The following GPM6B variants were observed in gnomAD, a reference collection of about 807,000 sequenced individuals.
GPM6B encodes the protein neuronal membrane glycoprotein M6-b.
A neutral mutation model predicts 27.2 loss-of-function variants in GPM6B; 4 were observed. That is an observed-to-expected ratio of 0.15 (90% confidence interval 0.07 to 0.34). The LOEUF (loss-of-function observed/expected upper bound fraction) is 0.34. Ranked by LOEUF, GPM6B falls within the 10% of genes least tolerant of loss-of-function variation. The pLI is 1.00. For missense variants in GPM6B, 183 were observed against 261.9 expected, an observed-to-expected ratio of 0.70 and a Z score of 2.08; for synonymous variants, 124 against 103.1, an observed-to-expected ratio of 1.20 and a Z score of -1.23.
chrX:13,811,958 C>T (rs745324792), intron 1 of GPM6B, among the ~76,000 whole-genome samples: 1 of 109,972 alleles, frequency 9.1e-6, no homozygotes, highest in African/African-American at 3.3e-5. Flanking sequence ...ATGGTCCCTA[C>T]GATGACTTAG....
At chrX:13,812,368 C>T (rs1449019980) in intron 1 of GPM6B, among the ~76,000 whole-genome samples, 1 of 111,600 alleles carries the variant, frequency 9.0e-6, no homozygotes. Context: ...CACCATTAAA[C>T]GAATAAATGA....
chrX:13,910,641 G>A (rs1405005518), intron 1 of GPM6B, among the ~76,000 whole-genome samples: 1 of 113,094 alleles, frequency 8.8e-6, no homozygotes, highest in Admixed American at 9.3e-5. Flanking sequence ...ACAGTGAAGG[G>A]AGAGTCTGCT....
chrX:13,880,675 CA>C lies in GPM6B; in HGVS notation c.-198+57651del, dbSNP rs57849359. 2.3e-3 allele frequency among the ~76,000 whole-genome samples: 107 copies of C among 46,590 alleles called. 1 individual carries two copies. Among genetic ancestry groups the C allele is most frequent in the Middle Eastern group, 0.011 (1 of 95 alleles). 40.5% of individuals were successfully genotyped at this position (46,590 alleles called of 115,157 possible). ...TGGGAGACAGAGCAAGGCTCCATCTCAAAAAAAAAAAAAAAAGGCAAATCAG... is the reference window on the plus strand; with the variant it reads ...TGGGAGACAGAGCAAGGCTCCATCTCAAAAAAAAAAAAAAAGGCAAATCAG... On this transcript the variant is annotated intron_variant, in intron 1 of 6. Transcript: ENST00000398361.
At chrX:13,822,427 G>A (rs775822237) in intron 1 of GPM6B, among the ~76,000 whole-genome samples, 38 of 110,036 alleles carry the variant, frequency 3.5e-4, no homozygotes, top group African/African-American at 1.2e-3. Context: ...GTACAGTGGT[G>A]CAATCTCGGC....
At chrX:13,922,806 G>A (rs1234110525) in intron 1 of GPM6B, among the ~76,000 whole-genome samples, 1 of 112,309 alleles carries the variant, frequency 8.9e-6, no homozygotes, top group Non-Finnish European at 1.9e-5. Flanking sequence ...CCACCCCCAA[G>A]ACAGAAACAT....
intron 1 of GPM6B, among the ~76,000 whole-genome samples, chrX:13,822,517 C>T (rs1184049981): frequency 9.1e-6 from 1 of 110,278 alleles, no homozygotes; most frequent in Non-Finnish European, 1.9e-5. Context: ...AGGCGTGGGG[C>T]CACCACGCCC....
chrX:13,807,793 G>A (rs371735228), intron 1 of GPM6B, 24 bp from the exon 2 acceptor site: 192 of 1,174,659 alleles, frequency 1.6e-4, no homozygotes, highest in Non-Finnish European at 2.1e-4. Context: ...GTGGCAAAGA[G>A]TCAGTGTCTC....
At chrX:13,861,341 G>A (rs765136843) in intron 1 of GPM6B, among the ~76,000 whole-genome samples, 42 of 110,580 alleles carry the variant, frequency 3.8e-4, no homozygotes, top group African/African-American at 1.3e-3. Flanking sequence ...TGGAATTGCT[G>A]GATCAAATGG....
At chrX:13,820,477 G>A (rs895544338), upstream of GPM6B, among the ~76,000 whole-genome samples, 1 of 110,960 alleles carries the variant, frequency 9.0e-6, no homozygotes, top group Admixed American at 9.5e-5. Context: ...GGGACTAAGA[G>A]GCATTCAGGA....
chrX:13,867,048 G>C (rs1208534405), intron 1 of GPM6B, among the ~76,000 whole-genome samples: 1 of 111,668 alleles, frequency 9.0e-6, no homozygotes, highest in African/African-American at 3.3e-5. Context: ...GCTTTCACTT[G>C]GTACGGTTAG....
chrX:13,782,670 C>T (rs958355204), intron 4 of GPM6B, among the ~76,000 whole-genome samples: 2 of 105,686 alleles, frequency 1.9e-5, no homozygotes, highest in South Asian at 4.3e-4. Context: ...GCAGGAGAAT[C>T]GCTTGAACCC....
At chrX:13,880,680 A>AAAAAAAG (rs1446127530) in intron 1 of GPM6B, among the ~76,000 whole-genome samples, 1 of 105,567 alleles carries the variant, frequency 9.5e-6, no homozygotes, top group East Asian at 3.1e-4. Context: ...CATCTCAAAA[A>AAAAAAAG]AAAAAAAAAA....
At chrX:13,868,177 T>C (rs768631725) in intron 1 of GPM6B, among the ~76,000 whole-genome samples, 44 of 71,492 alleles carry the variant, frequency 6.2e-4, no homozygotes, top group Non-Finnish European at 9.2e-4. Flanking sequence ...AAGTTGCTCA[T>C]AGACATTTAA....
chrX:13,785,768 G>A lies in GPM6B; in HGVS notation c.222C>T (p.Pro74=). The change falls in exon 3 of 8, where the codon CCC becomes CCT. Residue 74 remains proline (P), a synonymous_variant. Coordinates refer to ENST00000316715, the MANE Select transcript of GPM6B (RefSeq NM_001001995.3). Reference sequence around the variant, plus strand: ...GGATGGTGGCCACCAGGGAGGCGTAGGGGACTCCTCCCAGACACTTGATGC... The same window carrying A: ...GGATGGTGGCCACCAGGGAGGCGTAAGGGACTCCTCCCAGACACTTGATGC... The part of the protein sequence containing the change: ...ECCIKCLGGV[P]YASLVATILC... The A allele has an allele frequency of 8.3e-7, 1 of 1,210,887 alleles. No homozygotes were observed. Among genetic ancestry groups the A allele is most frequent in the Non-Finnish European group, 1.1e-6 (1 of 894,645 alleles).
At chrX:13,907,880 G>A (rs1398979689) in intron 1 of GPM6B, among the ~76,000 whole-genome samples, 5 of 111,947 alleles carry the variant, frequency 4.5e-5, no homozygotes, top group South Asian at 3.7e-4. Flanking sequence ...CAGCTTCTCC[G>A]CTTTATCAAT....
chrX:13,774,115 A>G, intron 7 of GPM6B: 3 of 756,747 alleles, frequency 4.0e-6, no homozygotes, highest in African/African-American at 2.3e-5. Context: ...AGGTGTGACA[A>G]AACAAAATCC....
At chrX:13,838,537 G>A (rs759343964) in intron 1 of GPM6B, among the ~76,000 whole-genome samples, 27 of 111,874 alleles carry the variant, frequency 2.4e-4, no homozygotes, top group Non-Finnish European at 5.1e-4. Context: ...CTTCATACAA[G>A]CTCCAGTTCC....
At chrX:13,846,965 C>A (rs1335202482) in intron 1 of GPM6B, among the ~76,000 whole-genome samples, 1 of 109,917 alleles carries the variant, frequency 9.1e-6, no homozygotes, top group Admixed American at 9.8e-5. Flanking sequence ...ATCAACCATA[C>A]CAGTGAAACT....
At chrX:13,778,611 C>T (rs752394134) in intron 5 of GPM6B, among the ~76,000 whole-genome samples, 131 of 112,115 alleles carry the variant, frequency 1.2e-3, no homozygotes, top group African/African-American at 4.2e-3. Context: ...CATCTTTATA[C>T]TTCAGAAGCA....
Sources: gnomAD v4.1 joint callset for allele counts (sites outside exome capture counted in the v4.1 genomes callset) on GRCh38, gnomAD v4.1.1 for gene constraint, MANE v1.5 for transcripts, NCBI Gene and HGNC (gene_info 2026-07-23, HGNC 2026-07-21) for gene names.